The following PPP4R3B variants were observed in gnomAD, a reference collection of about 807,000 sequenced individuals.
PPP4R3B encodes serine/threonine-protein phosphatase 4 regulatory subunit 3B.
In PPP4R3B, 52 loss-of-function variants were observed where a neutral mutation model predicts 95.4. The observed-to-expected ratio is 0.54, with a 90% CI of 0.44 to 0.69. PPP4R3B has a LOEUF of 0.69. Among genes scored for constraint, PPP4R3B ranks in the 30% least tolerant of loss-of-function variants. The pLI, the probability that PPP4R3B is intolerant of heterozygous loss-of-function variation, is 0.00. For synonymous variants in PPP4R3B, 407 were observed against 343.9 expected (o/e 1.18, Z -2.03); for missense variants, 1,003 against 1,005.9 (o/e 1.00, Z 0.04).
At chr2:55,571,222 A>C (rs1302015640) in intron 12 of PPP4R3B, among the ~76,000 whole-genome samples, 1 of 152,068 alleles carries the variant, frequency 6.6e-6, no homozygotes, top group Non-Finnish European at 1.5e-5. Context: ...AGGCAGGAGA[A>C]TCACTTGAAA....
chr2:55,590,776 C>A (rs1690899418), intron 4 of PPP4R3B, among the ~76,000 whole-genome samples: 1 of 152,210 alleles, frequency 6.6e-6, no homozygotes, highest in Non-Finnish European at 1.5e-5. Context: ...TACACCCCAA[C>A]TACCTGTCCT....
At chr2:55,550,944 C>T (rs1292040566) in intron 16 of PPP4R3B, among the ~76,000 whole-genome samples, 8 of 152,146 alleles carry the variant, frequency 5.3e-5, no homozygotes, top group Non-Finnish European at 1.0e-4. Context: ...TAATCACACA[C>T]ACATCTTAAG....
In PPP4R3B at chr2:55,578,326, A is replaced by T; in HGVS notation, c.1485T>A (p.His495Gln). 7.0e-7 allele frequency: 1 copy of T among 1,429,994 alleles called. No homozygotes were observed. The highest frequency in any genetic ancestry group is 9.2e-7 in the Non-Finnish European group (1 of 1,089,180). 88.6% of individuals were successfully genotyped at this position (1,429,994 alleles called of 1,614,324 possible). A position where few individuals can be genotyped will look rare whatever the true frequency, so the allele number is the denominator to read the frequency against. Residue 495 changes from histidine to glutamine, a missense_variant, in exon 10 of 17, where the codon CAT becomes CAA. Physicochemically the swap from His to Gln is conservative, Grantham distance 24. Transcript: ENST00000616407. ...ATATGAAACTCCAACTATATCTGTA[A>T]TGTTTTAAAAAAAAATCTGAAAAAA... ...DKCEKDFFLK[H>Q]YRYSWSFICT...
intron 16 of PPP4R3B, among the ~76,000 whole-genome samples, chr2:55,554,037 C>T (rs1685550170): frequency 6.6e-6 from 1 of 152,136 alleles, no homozygotes; most frequent in African/African-American, 2.4e-5. Flanking sequence ...TGGGGAACCG[C>T]CAGACTGTAC....
chr2:55,564,493 G>C lies in PPP4R3B; in HGVS notation c.2080C>G (p.Pro694Ala), dbSNP rs959849051. ...AATCTGTTACTACGCAATATAGATG[G>C]TACACTGTAAGAAATATATCACAAA... ...DRQNQKLNSV[P>A]SILRSNRFRR... Residue 694 changes from proline (P) to alanine (A), a missense_variant, in exon 15 of 17, where the codon CCA becomes GCA. Physicochemically the swap from Pro to Ala is conservative, Grantham distance 27. Coordinates refer to ENST00000616407, the MANE Select transcript of PPP4R3B (RefSeq NM_001122964.3). 1 of 1,593,526 alleles carries C rather than the reference G, an allele frequency of 6.3e-7. No individual in the cohort carries two copies. The highest frequency in any genetic ancestry group is 8.5e-7 in the Non-Finnish European group (1 of 1,172,998).
At chr2:55,591,763 A>C (rs1485478023) in intron 4 of PPP4R3B, 1 of 646,928 alleles carries the variant, frequency 1.5e-6, no homozygotes, top group Non-Finnish European at 1.9e-6. Flanking sequence ...ATGTATTCCT[A>C]GTATTTTTTC....
chr2:55,615,608 T>C (rs1303204312), intron 1 of PPP4R3B, 102 bp from the exon 2 acceptor site: 11 of 726,330 alleles, frequency 1.5e-5, no homozygotes, highest in Middle Eastern at 4.1e-4. Flanking sequence ...ACGTCTGTAA[T>C]CCTAGCACTT....
rs557787603 is a variant in PPP4R3B, at chr2:55,598,753, T to C, written c.584A>G (p.Tyr195Cys). ...LENTEGLHHL[Y>C]EIIRGILFLN... Reference sequence around the variant, plus strand: ...GAATAAGATTCCTCTAATAATTTCATACAAATGGTGTAAGCCTTCAGTGTT... The same window carrying C: ...GAATAAGATTCCTCTAATAATTTCACACAAATGGTGTAAGCCTTCAGTGTT... The change falls in exon 4 of 17, where the codon TAT becomes TGT. Residue 195 changes from tyrosine (Y) to cysteine (C), a missense_variant. Transcript: ENST00000616407. 9 of 1,614,236 alleles carry C rather than the reference T, an allele frequency of 5.6e-6. No homozygotes were observed. Among genetic ancestry groups the C allele is most frequent in the East Asian group, 4.5e-5 (2 of 44,876 alleles).
intron 2 of PPP4R3B, among the ~76,000 whole-genome samples, chr2:55,604,495 T>C (rs187868996): frequency 1.6e-4 from 24 of 152,054 alleles, no homozygotes; most frequent in Non-Finnish European, 3.4e-4. Context: ...TACCTGAAAA[T>C]AGGTTAAGGC....
intron 3 of PPP4R3B, among the ~76,000 whole-genome samples, chr2:55,602,895 T>A (rs1050629950): frequency 1.3e-5 from 2 of 152,106 alleles, no homozygotes; most frequent in Non-Finnish European, 1.5e-5. Context: ...CTTGGAGACC[T>A]CCTGAACTAC....
At chr2:55,588,811 T>G in intron 5 of PPP4R3B, 68 bp downstream of exon 5, 1 of 1,029,362 alleles carries the variant, frequency 9.7e-7, no homozygotes, top group Non-Finnish European at 1.4e-6. Context: ...AGTTAGCAAA[T>G]TCAAGATTAA....
At chr2:55,588,370 G>A (rs1415205020) in intron 5 of PPP4R3B, among the ~76,000 whole-genome samples, 1 of 151,916 alleles carries the variant, frequency 6.6e-6, no homozygotes, top group African/African-American at 2.4e-5. Context: ...AAAATTAGCC[G>A]GGTGTGGCAG....
At chr2:55,552,946 G>C (rs921377011) in intron 16 of PPP4R3B, among the ~76,000 whole-genome samples, 67 of 152,134 alleles carry the variant, frequency 4.4e-4, no homozygotes, top group Non-Finnish European at 8.5e-4. Context: ...AAGAAGCTAG[G>C]CAGTAAAGGC....
chr2:55,566,576 C>T (rs1574716870), intron 13 of PPP4R3B, among the ~76,000 whole-genome samples: 1 of 152,204 alleles, frequency 6.6e-6, no homozygotes, highest in Admixed American at 6.5e-5. Context: ...AAATCATATA[C>T]TTGGCAATTG....
chr2:55,585,017 G>A, intron 7 of PPP4R3B, 34 bp downstream of exon 7: 3 of 1,446,302 alleles, frequency 2.1e-6, no homozygotes, highest in Non-Finnish European at 2.9e-6. Context: ...CACTCTACAG[G>A]TAATTCACAT....
chr2:55,555,864 T>C (rs987503148), intron 16 of PPP4R3B, among the ~76,000 whole-genome samples: 9 of 152,248 alleles, frequency 5.9e-5, no homozygotes, highest in African/African-American at 1.9e-4. Context: ...TTCTCTACTG[T>C]GAATCTGTGA....
chr2:55,598,814 G>GT lies in PPP4R3B; in HGVS notation c.522dup (p.Leu175ThrfsTer15). 1 of 1,614,214 alleles carries GT rather than the reference G, an allele frequency of 6.2e-7. No individual in the cohort carries two copies. The highest frequency in any genetic ancestry group is 8.5e-7 in the Non-Finnish European group (1 of 1,180,040). The stretch of plus-strand genomic sequence containing the variant: ...TCGCAAGCTTGGAACAGCTGCAATA[G>GT]TTTTTTAATATAGCCTTCATTTTCC... On this transcript the variant is annotated frameshift_variant, in exon 4 of 17. Transcript: ENST00000616407. LOFTEE classifies it high-confidence loss of function.
chr2:55,573,545 T>A, intron 12 of PPP4R3B, 74 bp downstream of exon 12: 1 of 1,330,382 alleles, frequency 7.5e-7, no homozygotes, highest in Non-Finnish European at 1.0e-6. Flanking sequence ...ACACTGCTAA[T>A]AAATAACTTC....
Position 55,568,332 on chromosome 2 carries a change from T to C in PPP4R3B, c.1797A>G (p.Gly599=). 1 of 1,603,296 alleles carries C rather than the reference T, an allele frequency of 6.2e-7. No individual in the cohort carries two copies. Among genetic ancestry groups the C allele is most frequent in the Non-Finnish European group, 8.5e-7 (1 of 1,176,148 alleles). Residue 599 remains glycine, a synonymous_variant, in exon 13 of 17, where the codon GGA becomes GGG. Coordinates refer to ENST00000616407, the MANE Select transcript of PPP4R3B (RefSeq NM_001122964.3). ...AACGATTATAAAATTCATCTTTAAGTCCAATTATCCGCCTCATAAAGCGAA... is the reference window on the plus strand; with the variant it reads ...AACGATTATAAAATTCATCTTTAAGCCCAATTATCCGCCTCATAAAGCGAA... ...CALRFMRRII[G]LKDEFYNRYI... is the part of the protein sequence containing the mutation.
Sources: allele counts gnomAD v4.1 joint callset (sites outside exome capture counted in the v4.1 genomes callset), GRCh38; gene constraint gnomAD v4.1.1; transcripts MANE v1.5; gene names NCBI Gene and HGNC (gene_info 2026-07-23, HGNC 2026-07-21).